OPCML: variants seen among roughly 807,000 people sequenced by gnomAD.
OPCML encodes opioid-binding protein/cell adhesion molecule.
In OPCML, 13 loss-of-function variants were observed where a neutral mutation model predicts 37.8. That is an observed-to-expected ratio of 0.34 (90% CI 0.22 to 0.55). OPCML has a LOEUF of 0.55. Ranked by LOEUF, OPCML falls within the 20% of genes least tolerant of loss-of-function variation. The probability of loss-of-function intolerance (pLI) is 0.91; values close to 1 mark genes in which losing one functional copy is unlikely to be tolerated. For synonymous variants in OPCML, 176 were observed against 168.8 expected (o/e 1.04, Z -0.33); for missense variants, 341 against 435.6 (o/e 0.78, Z 1.93).
intron 3 of OPCML, among the ~76,000 whole-genome samples, chr11:132,612,177 A>C (rs1411487429): frequency 7.9e-5 from 12 of 152,208 alleles, no homozygotes; most frequent in Admixed American, 7.2e-4. Context: ...TCTCAGGAAG[A>C]GTTTTCTCAC....
At chr11:132,440,810 C>A (rs2096030116) in intron 4 of OPCML, among the ~76,000 whole-genome samples, 1 of 152,148 alleles carries the variant, frequency 6.6e-6, no homozygotes, top group South Asian at 2.1e-4. Context: ...ACTTTGAATG[C>A]TGGGTGAAAT....
chr11:133,500,443 T>C (rs529166394), intron 1 of OPCML, among the ~76,000 whole-genome samples: 1 of 152,340 alleles, frequency 6.6e-6, no homozygotes, highest in South Asian at 2.1e-4. Context: ...GTTTTGCATA[T>C]TTAAATACTC....
intron 4 of OPCML, among the ~76,000 whole-genome samples, chr11:132,469,469 C>A (rs1192777568): frequency 1.4e-5 from 2 of 139,060 alleles, no homozygotes; most frequent in Admixed American, 7.1e-5. Context: ...TGCCTGTGTG[C>A]CTGTGTGTGT....
chr11:133,054,696 C>G (rs1014853051), intron 1 of OPCML, among the ~76,000 whole-genome samples: 4 of 152,222 alleles, frequency 2.6e-5, no homozygotes, highest in Non-Finnish European at 4.4e-5. Flanking sequence ...CCTCATAAAG[C>G]CTTAGAGAGT....
chr11:133,383,223 C>T (rs896252625), intron 1 of OPCML, among the ~76,000 whole-genome samples: 1 of 152,142 alleles, frequency 6.6e-6, no homozygotes, highest in Non-Finnish European at 1.5e-5. Context: ...GCCCACAGCT[C>T]AGACTCCAGA....
chr11:133,450,305 G>C (rs1250921329), intron 1 of OPCML, among the ~76,000 whole-genome samples: 2 of 151,550 alleles, frequency 1.3e-5, no homozygotes, highest in African/African-American at 4.9e-5. Context: ...TTATTCTCAG[G>C]TATTCTCCAA....
intron 1 of OPCML, among the ~76,000 whole-genome samples, chr11:133,232,647 C>T (rs145091305): frequency 6.6e-6 from 1 of 152,180 alleles, no homozygotes; most frequent in East Asian, 1.9e-4. Flanking sequence ...ACATGCACAC[C>T]CACACAGGCT....
At chr11:133,078,292 G>T (rs1165436114) in intron 1 of OPCML, among the ~76,000 whole-genome samples, 2 of 152,134 alleles carry the variant, frequency 1.3e-5, no homozygotes, top group African/African-American at 4.8e-5. Flanking sequence ...CGGGAACAAG[G>T]AGACACCCAA....
intron 3 of OPCML, among the ~76,000 whole-genome samples, chr11:132,627,640 C>T (rs1055972248): frequency 6.6e-6 from 1 of 152,030 alleles, no homozygotes; most frequent in Non-Finnish European, 1.5e-5. Context: ...TTCAGATGAT[C>T]GACATGTAGA....
At chr11:132,929,165 G>GT (rs1945102954) in intron 2 of OPCML, among the ~76,000 whole-genome samples, 3 of 151,650 alleles carry the variant, frequency 2.0e-5, no homozygotes, top group African/African-American at 2.4e-5. Flanking sequence ...AAAATAATGA[G>GT]TTTTTTCCTT....
intron 2 of OPCML, among the ~76,000 whole-genome samples, chr11:132,725,949 A>G (rs546956555): frequency 1.3e-4 from 20 of 152,260 alleles, no homozygotes; most frequent in African/African-American, 4.8e-4. Context: ...CCTCATTTCC[A>G]TCTGAGACCA....
chr11:133,144,490 T>C (rs1247659918), intron 1 of OPCML, among the ~76,000 whole-genome samples: 1 of 152,228 alleles, frequency 6.6e-6, no homozygotes, highest in Non-Finnish European at 1.5e-5. Flanking sequence ...TGGACTCGAT[T>C]TGTGAGTTGT....
At chr11:133,036,254 C>G (rs1225846262) in intron 1 of OPCML, among the ~76,000 whole-genome samples, 2 of 152,218 alleles carry the variant, frequency 1.3e-5, no homozygotes, top group Non-Finnish European at 2.9e-5. Flanking sequence ...AATGCCAATT[C>G]TTTCCCAGGA....
At chr11:132,453,770 TC>T (rs2096074548) in intron 4 of OPCML, among the ~76,000 whole-genome samples, 1 of 152,184 alleles carries the variant, frequency 6.6e-6, no homozygotes, top group Non-Finnish European at 1.5e-5. Flanking sequence ...CTTGAAATGT[TC>T]TCACTTCAGC....
At chr11:133,002,130 G>T (rs1274351659) in intron 1 of OPCML, among the ~76,000 whole-genome samples, 2 of 152,144 alleles carry the variant, frequency 1.3e-5, no homozygotes, top group Admixed American at 1.3e-4. Flanking sequence ...AAAAACAAAA[G>T]CCCTTTGCTT....
intron 2 of OPCML, among the ~76,000 whole-genome samples, chr11:132,701,210 G>T (rs1315110900): frequency 6.6e-6 from 1 of 152,190 alleles, no homozygotes; most frequent in Non-Finnish European, 1.5e-5. Flanking sequence ...ATGTTGGCAG[G>T]CAAGAGAGCT....
At chr11:132,745,020 G>A (rs1439933498) in intron 2 of OPCML, among the ~76,000 whole-genome samples, 1 of 151,714 alleles carries the variant, frequency 6.6e-6, no homozygotes, top group Non-Finnish European at 1.5e-5. Context: ...ACACCCCTGG[G>A]AGAAATGTCT....
intron 1 of OPCML, among the ~76,000 whole-genome samples, chr11:133,458,176 A>ATGTGTATATATACACATATATACACTTG (rs1946720436): frequency 7.5e-6 from 1 of 132,774 alleles, no homozygotes; most frequent in Non-Finnish European, 1.5e-5. Context: ...ATATACATAT[A>ATGTGTATATATACACATATATACACTTG]TGTGTATATA....
intron 1 of OPCML, chr11:133,025,502 C>T (rs1026716769): frequency 1.0e-6 from 1 of 984,326 alleles, no homozygotes; most frequent in Non-Finnish European, 1.2e-6. Flanking sequence ...TCGGCTCTCT[C>T]AGGAACACTG....
Sources: gnomAD v4.1 joint callset for allele counts (sites outside exome capture counted in the v4.1 genomes callset) on GRCh38, gnomAD v4.1.1 for gene constraint, MANE v1.5 for transcripts, NCBI Gene and HGNC (gene_info 2026-07-23, HGNC 2026-07-21) for gene names.